RBFOX1: variants seen among roughly 807,000 people sequenced by gnomAD.
The protein encoded by RBFOX1 is RNA binding protein fox-1 homolog 1.
RBFOX1 carries 8 observed loss-of-function variants against 57.7 expected under a neutral mutation model. The observed-to-expected ratio is 0.14, with a 90% CI of 0.08 to 0.25. RBFOX1 has a LOEUF of 0.25. RBFOX1 is among the 10% of genes least tolerant of loss of function. The probability of loss-of-function intolerance (pLI) is 1.00; values close to 1 mark genes in which losing one functional copy is unlikely to be tolerated. For synonymous variants in RBFOX1, 326 were observed against 222.4 expected, an observed-to-expected ratio of 1.47 and a Z score of -4.15; for missense variants, 611 against 548.5, an observed-to-expected ratio of 1.11 and a Z score of -1.14.
intron 2 of RBFOX1, among the ~76,000 whole-genome samples, chr16:6,512,283 C>CAAAAAAAAAA (rs565248640): frequency 0.082 from 7,017 of 85,968 alleles, 671 homozygotes; most frequent in East Asian, 0.29. Context: ...GACCCTGTAT[C>CAAAAAAAAAA]AAAAAAAAAA....
intron 3 of RBFOX1, among the ~76,000 whole-genome samples, chr16:6,710,260 A>G (rs1447534393): frequency 6.6e-6 from 1 of 152,184 alleles, no homozygotes; most frequent in Non-Finnish European, 1.5e-5. Context: ...CCTCTGTAAT[A>G]GCATTGTCTA....
Position 6,435,793 on chromosome 16 carries a change from C to T in RBFOX1, c.-64+118736C>T, listed in dbSNP as rs8049500. On this transcript the variant is annotated intron_variant, in intron 2 of 15. Transcript: ENST00000550418. ...TGGGGTCTAGATTGTTCATTTTAAT[C>T]AAAGTAGGAGCTGGTGCCTATGTGG... is the stretch of plus-strand genomic sequence containing the variant. Among the ~76,000 whole-genome samples, 1,023 of 152,198 alleles carry T rather than the reference C, an allele frequency of 6.7e-3. 10 individuals carry two copies. The highest frequency in any genetic ancestry group is 0.024 in the African/African-American group (981 of 41,510).
chr16:7,611,438 G>A (rs1034885445), intron 10 of RBFOX1, among the ~76,000 whole-genome samples: 7 of 152,140 alleles, frequency 4.6e-5, no homozygotes, highest in African/African-American at 1.7e-4. Flanking sequence ...ATCTAGCTGG[G>A]CATAGTGGTG....
At chr16:5,539,539 T>C (rs550990662) in intron 2 of RBFOX1, among the ~76,000 whole-genome samples, 167 of 151,974 alleles carry the variant, frequency 1.1e-3, no homozygotes, top group Non-Finnish European at 1.9e-3. Context: ...AGGTGGAGGT[T>C]ATAGTGAGCC....
chr16:6,213,054 A>G (rs750698218), intron 1 of RBFOX1, among the ~76,000 whole-genome samples: 3 of 152,226 alleles, frequency 2.0e-5, no homozygotes, highest in Non-Finnish European at 4.4e-5. Flanking sequence ...AGGCTTTTAA[A>G]AAGTTAAGTC....
At chr16:7,022,972 G>C (rs1204297482) in intron 3 of RBFOX1, among the ~76,000 whole-genome samples, 1 of 152,172 alleles carries the variant, frequency 6.6e-6, no homozygotes, top group Admixed American at 6.5e-5. Flanking sequence ...GAAGGAGGCA[G>C]AATGGGCAGT....
chr16:6,286,213 C>T (rs939834594), intron 1 of RBFOX1, among the ~76,000 whole-genome samples: 1 of 152,140 alleles, frequency 6.6e-6, no homozygotes, highest in Non-Finnish European at 1.5e-5. Flanking sequence ...TTTAACCCCC[C>T]ATCCCTGGTT....
intron 1 of RBFOX1, among the ~76,000 whole-genome samples, chr16:5,431,702 C>T (rs2067741660): frequency 6.6e-6 from 1 of 152,154 alleles, no homozygotes; most frequent in African/African-American, 2.4e-5. Context: ...TTATTTGCCA[C>T]TGCGATTGTC....
At chr16:5,882,667 C>T (rs1484989901) in intron 4 of RBFOX1, among the ~76,000 whole-genome samples, 1 of 152,174 alleles carries the variant, frequency 6.6e-6, no homozygotes, top group Non-Finnish European at 1.5e-5. Context: ...ACGCCCTGCT[C>T]CAGAGCTCCC....
At chr16:7,206,381 A>G (rs969015528) in intron 4 of RBFOX1, among the ~76,000 whole-genome samples, 1 of 151,938 alleles carries the variant, frequency 6.6e-6, no homozygotes, top group African/African-American at 2.4e-5. Context: ...AATACACTAC[A>G]TGCATTTTTA....
chr16:7,496,747 G>A lies in RBFOX1; in HGVS notation c.28-21400G>A, dbSNP rs79374229. ...TTCTCATAGAAAAGACTACAGAACA[G>A]AAAAAAAAAAAACAGTTTGCATTGT... On this transcript the variant is annotated intron_variant, in intron 4 of 15. Coordinates refer to ENST00000550418, the MANE Select transcript of RBFOX1 (RefSeq NM_018723.4). Among the ~76,000 whole-genome samples, 460 of 127,070 alleles carry A rather than the reference G, an allele frequency of 3.6e-3. 1 individual carries two copies. Among genetic ancestry groups the A allele is most frequent in the Middle Eastern group, 4.2e-3 (1 of 240 alleles). The allele number at this position is 127,070 out of a possible 152,430, so 83.4% of individuals were successfully genotyped here.
chr16:5,309,387 G>A (rs1482064146), intron 1 of RBFOX1, among the ~76,000 whole-genome samples: 1 of 152,154 alleles, frequency 6.6e-6, no homozygotes, highest in African/African-American at 2.4e-5. Flanking sequence ...AAACTAGGTA[G>A]AACTTAGTGG....
intron 3 of RBFOX1, among the ~76,000 whole-genome samples, chr16:7,035,144 G>C (rs2044011806): frequency 6.6e-6 from 1 of 151,794 alleles, no homozygotes; most frequent in African/African-American, 2.4e-5. Flanking sequence ...CGCTGCACCG[G>C]GCCTCTGAGA....
intron 3 of RBFOX1, among the ~76,000 whole-genome samples, chr16:5,840,058 C>T (rs940296932): frequency 2.0e-5 from 3 of 152,160 alleles, no homozygotes; most frequent in African/African-American, 7.2e-5. Flanking sequence ...ACTCATAATC[C>T]ATTGTTGACA....
chr16:6,816,191 A>C (rs1253321497), intron 3 of RBFOX1, among the ~76,000 whole-genome samples: 1 of 152,144 alleles, frequency 6.6e-6, no homozygotes, highest in African/African-American at 2.4e-5. Context: ...CTCACTTGTA[A>C]TCCCAGCTCC....
chr16:6,050,742 G>T (rs143451367), intron 1 of RBFOX1, among the ~76,000 whole-genome samples: 2 of 151,688 alleles, frequency 1.3e-5, no homozygotes, highest in East Asian at 3.9e-4. Flanking sequence ...ATAGTCAGGG[G>T]GTATAGTTTA....
intron 1 of RBFOX1, among the ~76,000 whole-genome samples, chr16:6,286,487 C>T (rs2076919709): frequency 6.6e-6 from 1 of 152,200 alleles, no homozygotes; most frequent in South Asian, 2.1e-4. Context: ...AGTACTAGTA[C>T]CTACCTTGCA....
chr16:7,385,419 G>C (rs941120589), intron 4 of RBFOX1, among the ~76,000 whole-genome samples: 2 of 152,184 alleles, frequency 1.3e-5, no homozygotes, highest in Admixed American at 1.3e-4. Flanking sequence ...CAGTGGAGGT[G>C]AAGGGAGTGA....
intron 4 of RBFOX1, among the ~76,000 whole-genome samples, chr16:7,264,605 T>G (rs1303432784): frequency 6.6e-6 from 1 of 152,214 alleles, no homozygotes; most frequent in Non-Finnish European, 1.5e-5. Context: ...ATAAATGTAG[T>G]TGTATTACAA....
Sources: gnomAD v4.1 joint callset for allele counts (sites outside exome capture counted in the v4.1 genomes callset) on GRCh38, gnomAD v4.1.1 for gene constraint, MANE v1.5 for transcripts, NCBI Gene and HGNC (gene_info 2026-07-23, HGNC 2026-07-21) for gene names.